The following STARD13 variants were observed in gnomAD, a reference collection of about 807,000 sequenced individuals.
STARD13 encodes the protein stAR-related lipid transfer protein 13.
Under a neutral mutation model 106.4 loss-of-function variants are expected in STARD13, and 62 were observed. The observed-to-expected ratio is 0.58, with a 90% CI of 0.48 to 0.72. STARD13 has a LOEUF of 0.72. Among genes scored for constraint, STARD13 ranks in the 30% least tolerant of loss-of-function variants. The pLI is 0.00. For missense variants in STARD13, 1,387 were observed against 1,424.0 expected, an observed-to-expected ratio of 0.97 and a Z score of 0.42; for synonymous variants, 565 against 553.0, an observed-to-expected ratio of 1.02 and a Z score of -0.31.
At chr13:33,259,678 C>T (rs184665904) in intron 1 of STARD13, among the ~76,000 whole-genome samples, 33 of 152,300 alleles carry the variant, frequency 2.2e-4, no homozygotes, top group Admixed American at 5.2e-4. Flanking sequence ...AGTGACAATA[C>T]GCTTGCTTGA....
At chr13:33,116,441 G>T (rs1445822706) in intron 8 of STARD13, among the ~76,000 whole-genome samples, 2 of 152,296 alleles carry the variant, frequency 1.3e-5, no homozygotes, top group Non-Finnish European at 2.9e-5. Context: ...ATCAGAGAGT[G>T]AGTCTCATCC....
the STARD13 span, among the ~76,000 whole-genome samples, chr13:33,494,645 G>A: frequency 6.6e-6 from 1 of 152,114 alleles, no homozygotes; most frequent in Non-Finnish European, 1.5e-5. Context: ...GTGGTCAACA[G>A]GATTGACTGT....
chr13:33,226,115 C>T (rs1479357598), intron 1 of STARD13, among the ~76,000 whole-genome samples: 2 of 152,216 alleles, frequency 1.3e-5, no homozygotes, highest in Admixed American at 1.3e-4. Flanking sequence ...TCACCAGAAC[C>T]CAACCATGCT....
At chr13:33,579,335 C>G in the STARD13 span, among the ~76,000 whole-genome samples, 1 of 151,946 alleles carries the variant, frequency 6.6e-6, no homozygotes, top group Non-Finnish European at 1.5e-5. Context: ...AAAATAATGT[C>G]TTTTGTAGCA....
the STARD13 span, among the ~76,000 whole-genome samples, chr13:33,439,069 C>G: frequency 1.3e-5 from 2 of 152,200 alleles, no homozygotes; most frequent in African/African-American, 4.8e-5. Flanking sequence ...TGTAAATGAC[C>G]GTATGAAGTG....
the STARD13 span, among the ~76,000 whole-genome samples, chr13:33,526,788 G>A: frequency 6.6e-6 from 1 of 152,134 alleles, no homozygotes; most frequent in East Asian, 1.9e-4. Context: ...TAAGTGAGGA[G>A]TTAATATTAA....
At chr13:33,602,877 C>G in the STARD13 span, among the ~76,000 whole-genome samples, 4 of 152,174 alleles carry the variant, frequency 2.6e-5, no homozygotes, top group African/African-American at 9.7e-5. Flanking sequence ...GAAACCATCC[C>G]CCTGGTCCCC....
At chr13:33,227,229 T>C (rs1397978541) in intron 1 of STARD13, among the ~76,000 whole-genome samples, 1 of 152,220 alleles carries the variant, frequency 6.6e-6, no homozygotes, top group Non-Finnish European at 1.5e-5. Flanking sequence ...TAAAGTTCCA[T>C]CGTTAGTCTT....
the STARD13 span, among the ~76,000 whole-genome samples, chr13:33,662,157 G>T: frequency 6.6e-6 from 1 of 151,612 alleles, no homozygotes; most frequent in African/African-American, 2.4e-5. Flanking sequence ...AGCTACTCGG[G>T]AAGCTGAGGC....
At chr13:33,348,204 A>G (rs2078036778), downstream of STARD13, among the ~76,000 whole-genome samples, 1 of 152,208 alleles carries the variant, frequency 6.6e-6, no homozygotes, top group Admixed American at 6.5e-5. Context: ...CGCTATTTTA[A>G]AAAATAATTG....
upstream of STARD13, among the ~76,000 whole-genome samples, chr13:33,290,571 G>T (rs1487819283): frequency 6.6e-6 from 1 of 151,984 alleles, no homozygotes; most frequent in Non-Finnish European, 1.5e-5. Context: ...CCAGACCACA[G>T]CTCTCATCTG....
chr13:33,350,070 C>A (rs1206835578), intron 1 of STARD13, among the ~76,000 whole-genome samples: 1 of 152,150 alleles, frequency 6.6e-6, no homozygotes, highest in Non-Finnish European at 1.5e-5. Flanking sequence ...GCTGTCAGCG[C>A]GCGCGTCCGG....
At chr13:33,350,221 G>A in intron 1 of STARD13, 1 of 1,453,654 alleles carries the variant, frequency 6.9e-7, no homozygotes, top group Non-Finnish European at 9.0e-7. Flanking sequence ...GAGGGCGGCG[G>A]GCCCGGGCGG....
upstream of STARD13, among the ~76,000 whole-genome samples, chr13:33,354,794 G>GT (rs1185835500): frequency 2.0e-5 from 3 of 151,290 alleles, no homozygotes; most frequent in Non-Finnish European, 4.4e-5. Context: ...GATAATTATA[G>GT]TTTTTTAAAC....
chr13:33,552,812 T>C, the STARD13 span, among the ~76,000 whole-genome samples: 1 of 152,154 alleles, frequency 6.6e-6, no homozygotes, highest in South Asian at 2.1e-4. Flanking sequence ...CTCCAAATTA[T>C]AGATTTGACA....
At chr13:33,328,297 G>C (rs1327740993) in intron 1 of STARD13, among the ~76,000 whole-genome samples, 1 of 152,222 alleles carries the variant, frequency 6.6e-6, no homozygotes, top group Non-Finnish European at 1.5e-5. Flanking sequence ...GTTTACTTCA[G>C]AGTTCTCTTT....
exon 1 of STARD13, chr13:33,350,441 G>A (rs1348706060): frequency 4.1e-5 from 63 of 1,519,580 alleles, no homozygotes; most frequent in Non-Finnish European, 5.3e-5. Context: ...AACGACCGGC[G>A]GGCTCTCCAC....
upstream of STARD13, among the ~76,000 whole-genome samples, chr13:33,290,630 T>C (rs1892256224): frequency 6.6e-6 from 1 of 152,248 alleles, no homozygotes; most frequent in Admixed American, 6.5e-5. Context: ...AGATTTCCTT[T>C]ACTTTGTCTC....
chr13:33,137,342 C>A (rs1275206725), intron 4 of STARD13, among the ~76,000 whole-genome samples: 1 of 152,268 alleles, frequency 6.6e-6, no homozygotes, highest in Non-Finnish European at 1.5e-5. Flanking sequence ...AGGTCTCTCT[C>A]TCTCACCTAC....
Sources: allele counts gnomAD v4.1 joint callset (sites outside exome capture counted in the v4.1 genomes callset), GRCh38; gene constraint gnomAD v4.1.1; transcripts MANE v1.5; gene names NCBI Gene and HGNC (gene_info 2026-07-23, HGNC 2026-07-21).